C15orf39: variants seen among roughly 807,000 people sequenced by gnomAD.
C15orf39 encodes the protein uncharacterized protein C15orf39.
A neutral mutation model predicts 53.9 loss-of-function variants in C15orf39; 24 were observed. The ratio of observed to expected loss-of-function variants is 0.45; its 90% CI spans 0.32 to 0.63. The LOEUF (loss-of-function observed/expected upper bound fraction) is 0.63. C15orf39 is among the 20% of genes least tolerant of loss of function. The pLI, the probability that C15orf39 is intolerant of heterozygous loss-of-function variation, is 0.04. For synonymous variants in C15orf39, 569 were observed against 576.5 expected, an observed-to-expected ratio of 0.99 and a Z score of 0.19; for missense variants, 1,271 against 1,347.9, an observed-to-expected ratio of 0.94 and a Z score of 0.89.
chr15:75,206,674 C>G lies in C15orf39; in HGVS notation c.626C>G (p.Pro209Arg). ...AAAGACTCCTCAGGGAGCTTCTCCC[C>G]ATGCCAGCCCTTCCTGGAGAAATAT... Reference protein sequence around the residue: ...SSKDSSGSFSPCQPFLEKYQT... With the variant: ...SSKDSSGSFSRCQPFLEKYQT... Residue 209 changes from proline to arginine, a missense_variant, in exon 2 of 3, where the codon CCA becomes CGA. Coordinates refer to ENST00000394987, the MANE Select transcript of C15orf39 (RefSeq NM_015492.5). 1.2e-6 allele frequency: 2 copies of G among 1,613,794 alleles called. No individual in the cohort carries two copies. The highest frequency in any genetic ancestry group is 1.7e-6 in the Non-Finnish European group (2 of 1,179,966).
In C15orf39 at chr15:75,205,979, C is replaced by A. The variant is rs1049390558; in HGVS notation, c.-50-20C>A. On this transcript the variant is annotated intron_variant, in intron 1 of 2. Coordinates refer to ENST00000394987, the MANE Select transcript of C15orf39 (RefSeq NM_015492.5). Reference sequence around the variant, plus strand: ...TAGCCTGTTTTCCTGACAGCCCCTGCCTTTCTCTCTCTATCCCAGGTCAGA... The same window carrying A: ...TAGCCTGTTTTCCTGACAGCCCCTGACTTTCTCTCTCTATCCCAGGTCAGA... 7 of 1,435,160 alleles carry A rather than the reference C, an allele frequency of 4.9e-6. No homozygotes were observed. Among genetic ancestry groups the A allele is most frequent in the East Asian group, 2.5e-5 (1 of 40,234 alleles). The allele number at this position is 1,435,160 out of a possible 1,614,324, so 88.9% of individuals were successfully genotyped here. A position where few individuals can be genotyped will look rare whatever the true frequency, so the allele number is the denominator to read the frequency against.
chr15:75,209,565 A>G (rs1402848607), intron 2 of C15orf39: 1 of 152,268 alleles, frequency 6.6e-6, no homozygotes, highest in Non-Finnish European at 1.5e-5. Context: ...CTGGAGGACC[A>G]CACAACTGCC....
Position 75,207,819 on chromosome 15 carries a change from T to A in C15orf39, c.1771T>A (p.Ser591Thr). 1.9e-6 allele frequency: 3 copies of A among 1,612,438 alleles called. No homozygotes were observed. Among genetic ancestry groups the A allele is most frequent in the Non-Finnish European group, 1.7e-6 (2 of 1,179,450 alleles). The change falls in exon 2 of 3, where the codon TCC (serine) becomes ACC (threonine). Residue 591 changes from serine to threonine, a missense_variant. This residue lies in a region of C15orf39 where 994 missense variants were observed against 993.7 expected (regional missense o/e 1.00). Transcript: ENST00000394987. ...AGCAGAGGCCTCCCCTGTCAAGGCTTCCCGTTCTGTGGAGCATGCCAAGCC... is the reference window on the plus strand; with the variant it reads ...AGCAGAGGCCTCCCCTGTCAAGGCTACCCGTTCTGTGGAGCATGCCAAGCC... ...PTAEASPVKA[S>T]RSVEHAKPTA...
intron 1 of C15orf39, among the ~76,000 whole-genome samples, chr15:75,203,572 C>T (rs775301488): frequency 1.6e-4 from 24 of 152,322 alleles, no homozygotes; most frequent in Admixed American, 3.9e-4. Context: ...GAAGCCGCCA[C>T]CCCTCCCACA....
At position 75,211,726 on chromosome 15, in the gene C15orf39, C is replaced by T. The variant is rs1272021874; in HGVS notation, c.*610C>T. The T allele has an allele frequency of 6.6e-6, 1 of 152,180 alleles. No individual in the cohort carries two copies. The highest frequency in any genetic ancestry group is 2.4e-5 in the African/African-American group (1 of 41,418). The allele number at this position is 152,180 out of a possible 1,614,324, so 9.4% of individuals were successfully genotyped here. A position where few individuals can be genotyped will look rare whatever the true frequency, so the allele number is the denominator to read the frequency against. The stretch of plus-strand genomic sequence containing the variant: ...GCCTGGAGCTCCCTGAGGGAGCCTG[C>T]ACTCCCTGCTCCCAATCCCCGCTAC... On this transcript the variant is annotated 3_prime_UTR_variant, in exon 3 of 3. Coordinates refer to ENST00000394987, the MANE Select transcript of C15orf39 (RefSeq NM_015492.5).
chr15:75,211,513 C>T lies in C15orf39; in HGVS notation c.*397C>T, dbSNP rs1197803216. 5.5e-6 allele frequency: 1 copy of T among 182,114 alleles called. No individual in the cohort carries two copies. Among genetic ancestry groups the T allele is most frequent in the Non-Finnish European group, 1.1e-5 (1 of 88,304 alleles). The allele number at this position is 182,114 out of a possible 1,614,324, so 11.3% of individuals were successfully genotyped here. On this transcript the variant is annotated 3_prime_UTR_variant, in exon 3 of 3. Coordinates refer to ENST00000394987, the MANE Select transcript of C15orf39 (RefSeq NM_015492.5). ...GTGGGGATGCTGCCTGATACATACC[C>T]TGTCACCATTTGGTCTCTGCTTCCT...
Position 75,206,961 on chromosome 15 carries a change from C to A in C15orf39, c.913C>A (p.Gln305Lys). The change falls in exon 2 of 3, where the codon CAG (glutamine) becomes AAG (lysine). Residue 305 changes from glutamine to lysine, a missense_variant. Around this residue, in one of 2 missense-constraint regions of C15orf39, gnomAD observed 994 missense variants for 993.7 expected, o/e 1.00. Coordinates refer to ENST00000394987, the MANE Select transcript of C15orf39 (RefSeq NM_015492.5). ...QGSYSPALPL[Q>K]PLGGHKGTGY... ...CAGCTACAGCCCAGCACTCCCACTG[C>A]AGCCTCTGGGGGGCCACAAGGGGAC... 1 of 1,569,610 alleles carries A rather than the reference C, an allele frequency of 6.4e-7. No individual in the cohort carries two copies. The highest frequency in any genetic ancestry group is 1.4e-5 in the African/African-American group (1 of 73,822).
rs763171944 is a variant in C15orf39 at position 75,208,876 on chromosome 15, G to GGT, written c.2776+60_2776+61dup. On this transcript the variant is annotated intron_variant, in intron 2 of 2. Transcript: ENST00000394987. Reference sequence around the variant, plus strand: ...ACCGGAGCTGTGTGAGCAAGTGACAGGTGTGTGTGCTGTGTGAGTGCGTCA... The same window carrying GGT: ...ACCGGAGCTGTGTGAGCAAGTGACAGGTGTGTGTGTGCTGTGTGAGTGCGTCA... 5 of 1,546,150 alleles carry GGT rather than the reference G, an allele frequency of 3.2e-6. No individual in the cohort carries two copies. In the African/African-American group the frequency reaches 6.8e-5, roughly 21 times the overall value.
chr15:75,207,406 G>C lies in C15orf39; in HGVS notation c.1358G>C (p.Arg453Pro). The C allele has an allele frequency of 6.2e-7, 1 of 1,613,210 alleles. No homozygotes were observed. Among genetic ancestry groups the C allele is most frequent in the African/African-American group, 1.3e-5 (1 of 74,886 alleles). ...TGCAGGAAAGAGAAGCTCCAGCCCC[G>C]GCTCAGTGAGCACTCTGGGCCGCCC... ...PSCRKEKLQP[R>P]LSEHSGPPIV... Residue 453 changes from arginine (R) to proline (P), a missense_variant, in exon 2 of 3, where the codon CGG (arginine) becomes CCG (proline). Transcript: ENST00000394987.
In C15orf39 at chr15:75,211,472, A is replaced by T. The variant is rs2070482697; in HGVS notation, c.*356A>T. On this transcript the variant is annotated 3_prime_UTR_variant, in exon 3 of 3. Transcript: ENST00000394987. The stretch of plus-strand genomic sequence containing the variant: ...TGTGTAAAATGGGACAACGCAACCT[A>T]CCTCACAGGGTTGTTGTGGGGATGC... The T allele has an allele frequency of 4.4e-6, 1 of 227,524 alleles. No homozygotes were observed. Among genetic ancestry groups the T allele is most frequent in the African/African-American group, 2.3e-5 (1 of 44,112 alleles). The allele number at this position is 227,524 out of a possible 1,614,324, so 14.1% of individuals were successfully genotyped here.
In C15orf39 at chr15:75,208,211, TGCTCCAGCTCCATCCCCTGCTCCG is replaced by T. The variant is rs1468926821; in HGVS notation, c.2168_2191del (p.Pro723_Ala730del). Reference sequence around the variant, plus strand: ...CCGTAGCTGTGGCCTCCCCTGCCCCTGCTCCAGCTCCATCCCCTGCTCCGGCTCGAGCTCAGGCTCCAGCTTCAG... The same window carrying T: ...CCGTAGCTGTGGCCTCCCCTGCCCCTGCTCGAGCTCAGGCTCCAGCTTCAG... On this transcript the variant is annotated inframe_deletion, in exon 2 of 3. Coordinates refer to ENST00000394987, the MANE Select transcript of C15orf39 (RefSeq NM_015492.5). 6.2e-7 allele frequency: 1 copy of T among 1,613,620 alleles called. No homozygotes were observed. Among genetic ancestry groups the T allele is most frequent in the South Asian group, 1.1e-5 (1 of 91,064 alleles).
At chr15:75,204,986 G>A (rs1292912676) in intron 1 of C15orf39, among the ~76,000 whole-genome samples, 1 of 152,206 alleles carries the variant, frequency 6.6e-6, no homozygotes, top group Non-Finnish European at 1.5e-5. Flanking sequence ...CCTGCGGAGG[G>A]GGAGGAGTGG....
In C15orf39 at chr15:75,206,583, G is replaced by C. The variant is rs1595954953; in HGVS notation, c.535G>C (p.Ala179Pro). Reference sequence around the variant, plus strand: ...TGACCCACCCTGCTCTCTGGCCCCAGCTCCTAGCAAGGGCCAGACTCTGGA... The same window carrying C: ...TGACCCACCCTGCTCTCTGGCCCCACCTCCTAGCAAGGGCCAGACTCTGGA... ...SADPPCSLAP[A>P]PSKGQTLDGT... The change falls in exon 2 of 3, where the codon GCT (alanine) becomes CCT (proline). Residue 179 changes from alanine to proline, a missense_variant. Ala to Pro is a conservative substitution (Grantham distance 27, BLOSUM62 -1). Coordinates refer to ENST00000394987, the MANE Select transcript of C15orf39 (RefSeq NM_015492.5). 3.1e-6 allele frequency: 5 copies of C among 1,613,820 alleles called. No individual in the cohort carries two copies. Among genetic ancestry groups the C allele is most frequent in the Non-Finnish European group, 3.4e-6 (4 of 1,179,892 alleles).
At position 75,211,135 on chromosome 15, in the gene C15orf39, T is replaced by C; in HGVS notation, c.*19T>C. 6.3e-7 allele frequency: 1 copy of C among 1,574,994 alleles called. No individual in the cohort carries two copies. Among genetic ancestry groups the C allele is most frequent in the Non-Finnish European group, 8.6e-7 (1 of 1,164,438 alleles). On this transcript the variant is annotated 3_prime_UTR_variant, in exon 3 of 3. Coordinates refer to ENST00000394987, the MANE Select transcript of C15orf39 (RefSeq NM_015492.5). ...CCTGTAGCACTGGTTGCCAGTGCTG[T>C]GTGTATAGCAGTCACTCTCCACCCT... is the stretch of plus-strand genomic sequence containing the variant.
intron 2 of C15orf39, 106 bp downstream of exon 2, chr15:75,208,930 C>T (rs1035022587): frequency 3.1e-5 from 46 of 1,467,442 alleles, no homozygotes; most frequent in Non-Finnish European, 4.0e-5. Flanking sequence ...TCCAAGGACT[C>T]CTGCCCGGGT....
rs1174677203 is a variant in C15orf39 at position 75,207,874 on chromosome 15, G to A, written c.1826G>A (p.Gly609Asp). 6.2e-7 allele frequency: 1 copy of A among 1,613,490 alleles called. No individual in the cohort carries two copies. The highest frequency in any genetic ancestry group is 1.3e-5 in the African/African-American group (1 of 74,922). The change falls in exon 2 of 3, where the codon GGC becomes GAC. Residue 609 changes from glycine to aspartate, a missense_variant. By Grantham distance (94) the Gly-to-Asp change is moderately conservative. This residue lies in a region of C15orf39 where 994 missense variants were observed against 993.7 expected (regional missense o/e 1.00). Coordinates refer to ENST00000394987, the MANE Select transcript of C15orf39 (RefSeq NM_015492.5). ...GCAGCCATGGATGTGCCAGATGTGG[G>A]CAACATGGTGTCAGATCTGCCAGGC... ...PTAAMDVPDVGNMVSDLPGLK... is the reference protein window; with the variant it reads ...PTAAMDVPDVDNMVSDLPGLK...
intron 1 of C15orf39, among the ~76,000 whole-genome samples, chr15:75,205,192 A>T (rs1209518214): frequency 6.6e-6 from 1 of 152,156 alleles, no homozygotes; most frequent in Non-Finnish European, 1.5e-5. Context: ...TGTAGACAAT[A>T]CTCAGATTCC....
chr15:75,206,671 C>T lies in C15orf39; in HGVS notation c.623C>T (p.Ser208Phe), dbSNP rs1232154902. The stretch of plus-strand genomic sequence containing the variant: ...AGTAAAGACTCCTCAGGGAGCTTCT[C>T]CCCATGCCAGCCCTTCCTGGAGAAA... ...GSSKDSSGSF[S>F]PCQPFLEKYQ... The change falls in exon 2 of 3, where the codon TCC becomes TTC. Residue 208 changes from serine to phenylalanine, a missense_variant. Physicochemically the swap from Ser to Phe is radical, Grantham distance 155. Transcript: ENST00000394987. 2 of 1,613,586 alleles carry T rather than the reference C, an allele frequency of 1.2e-6. No homozygotes were observed. The highest frequency in any genetic ancestry group is 1.7e-5 in the Admixed American group (1 of 59,994).
chr15:75,204,955 A>G (rs974563560), intron 1 of C15orf39, among the ~76,000 whole-genome samples: 12 of 152,286 alleles, frequency 7.9e-5, no homozygotes, highest in Middle Eastern at 6.8e-3. Flanking sequence ...CTGCAGCACC[A>G]TCTGCTGGGC....
Sources: allele counts gnomAD v4.1 joint callset (sites outside exome capture counted in the v4.1 genomes callset), GRCh38; gene constraint gnomAD v4.1.1; regional missense constraint gnomAD v4.1.1; transcripts MANE v1.5; gene names NCBI Gene and HGNC (gene_info 2026-07-23, HGNC 2026-07-21).